Variants in AADACL2 observed in about 807,000 individuals in gnomAD.
The protein encoded by AADACL2 is arylacetamide deacetylase-like 2.
A neutral mutation model predicts 22.3 loss-of-function variants in AADACL2; 23 were observed. That is an observed-to-expected ratio of 1.03 (90% confidence interval 0.74 to 1.46). The LOEUF (loss-of-function observed/expected upper bound fraction) is 1.46. Ranked by LOEUF, AADACL2 falls within the 40% of genes most tolerant of loss-of-function variation. The probability of loss-of-function intolerance (pLI) is 0.00; values close to 1 mark genes in which losing one functional copy is unlikely to be tolerated. For missense variants in AADACL2, 472 were observed against 482.9 expected (o/e 0.98, Z 0.21); for synonymous variants, 177 against 166.2 (o/e 1.07, Z -0.50).
Position 151,740,831 on chromosome 3 carries a change from A to G in AADACL2, c.324A>G (p.Ile108Met). 6.2e-7 allele frequency: 1 copy of G among 1,614,038 alleles called. No homozygotes were observed. The highest frequency in any genetic ancestry group is 1.7e-5 in the Admixed American group (1 of 60,014). Residue 108 changes from isoleucine (I) to methionine (M), a missense_variant, in exon 2 of 5, where the codon ATA becomes ATG. Physicochemically the swap from Ile to Met is conservative, Grantham distance 10. Coordinates refer to ENST00000356517, the MANE Select transcript of AADACL2 (RefSeq NM_207365.4). ...CAGAAACCCGAAGGCGAGCTGTGAT[A>G]TATTTTCATGGTGGTGGTTTTTGTT... is the stretch of plus-strand genomic sequence containing the variant. ...RKSETRRRAV[I>M]YFHGGGFCFG...
chr3:151,734,163 G>C lies in AADACL2; in HGVS notation c.128G>C (p.Cys43Ser), dbSNP rs1036623026. The C allele has an allele frequency of 1.9e-6, 3 of 1,612,902 alleles. No individual in the cohort carries two copies. In the South Asian group the frequency reaches 3.3e-5, roughly 18 times the overall value. The change falls in exon 1 of 5, where the codon TGT (cysteine) becomes TCT (serine). Residue 43 changes from cysteine (C) to serine (S), a missense_variant. Cys to Ser is a moderately radical substitution (Grantham distance 112). Coordinates refer to ENST00000356517, the MANE Select transcript of AADACL2 (RefSeq NM_207365.4). ...GCCTTGGATGCCATCGCTAAAACTT[G>C]TACATTTACGGTAAGGTTAACATTT... Reference protein sequence around the residue: ...IMALDAIAKTCTFTAMCFENM... With the variant: ...IMALDAIAKTSTFTAMCFENM...
intron 2 of AADACL2, among the ~76,000 whole-genome samples, chr3:151,743,010 T>C (rs1713329842): frequency 1.3e-5 from 2 of 152,072 alleles, no homozygotes; most frequent in South Asian, 4.2e-4. Context: ...ATTTTTTTTT[T>C]AATAGAAATT....
At chr3:151,739,468 CA>C (rs2107981384) in intron 1 of AADACL2, among the ~76,000 whole-genome samples, 1 of 152,326 alleles carries the variant, frequency 6.6e-6, no homozygotes, top group South Asian at 2.1e-4. Flanking sequence ...TCAGGAGGCA[CA>C]GGGGTCAGCG....
intron 1 of AADACL2, 51 bp from the exon 2 acceptor site, chr3:151,740,595 G>T: frequency 3.5e-6 from 4 of 1,136,026 alleles, no homozygotes; most frequent in South Asian, 1.8e-5. Context: ...AAATATATTT[G>T]GTGTTATTTA....
intron 2 of AADACL2, among the ~76,000 whole-genome samples, chr3:151,742,613 T>C (rs112128296): frequency 0.018 from 2,669 of 152,260 alleles, 27 homozygotes; most frequent in Non-Finnish European, 0.027. Flanking sequence ...ACCCAAATTA[T>C]GACACTAAGA....
intron 4 of AADACL2, among the ~76,000 whole-genome samples, chr3:151,746,500 T>A (rs540130556): frequency 2.0e-5 from 3 of 152,086 alleles, no homozygotes; most frequent in African/African-American, 7.2e-5. Flanking sequence ...TAGTAAAATA[T>A]TTAATATAAC....
intron 4 of AADACL2, among the ~76,000 whole-genome samples, chr3:151,756,107 G>A (rs565098853): frequency 2.0e-4 from 31 of 152,144 alleles, no homozygotes; most frequent in African/African-American, 7.0e-4. Context: ...GGTACATCCT[G>A]TGGTCCTGAG....
intron 4 of AADACL2, among the ~76,000 whole-genome samples, chr3:151,752,236 T>C (rs1013472258): frequency 6.6e-6 from 1 of 152,216 alleles, no homozygotes; most frequent in African/African-American, 2.4e-5. Flanking sequence ...TAATATGTTA[T>C]AGATTATGGC....
intron 4 of AADACL2, among the ~76,000 whole-genome samples, chr3:151,755,284 C>T (rs1431506745): frequency 6.6e-6 from 1 of 151,958 alleles, no homozygotes; most frequent in African/African-American, 2.4e-5. Context: ...GGTATCATGT[C>T]AGTGTTTGTG....
rs1007907752 is a variant in AADACL2 at position 151,741,003 on chromosome 3, T to C, written c.361+135T>C. 28 of 670,646 alleles carry C rather than the reference T, an allele frequency of 4.2e-5. No individual in the cohort carries two copies. In the East Asian group the frequency reaches 6.7e-4, roughly 16 times the overall value. 41.5% of individuals were successfully genotyped at this position (670,646 alleles called of 1,614,324 possible). Reference sequence around the variant, plus strand: ...TTGTCTGGATATGGATAAGTATAGATATAAATATGAGACATCTAATAAAGA... The same window carrying C: ...TTGTCTGGATATGGATAAGTATAGACATAAATATGAGACATCTAATAAAGA... On this transcript the variant is annotated intron_variant, in intron 2 of 4. Coordinates refer to ENST00000356517, the MANE Select transcript of AADACL2 (RefSeq NM_207365.4).
chr3:151,744,085 C>A lies in AADACL2; in HGVS notation c.362-8C>A. On this transcript the variant is annotated splice_region_variant and splice_polypyrimidine_tract_variant and intron_variant, in intron 2 of 4. Transcript: ENST00000356517. Reference sequence around the variant, plus strand: ...GGAAATACTTTGATGTTTATTTCTTCATTTCAGAACAGAGGGCTTTTGACT... The same window carrying A: ...GGAAATACTTTGATGTTTATTTCTTAATTTCAGAACAGAGGGCTTTTGACT... 1 of 1,612,688 alleles carries A rather than the reference C, an allele frequency of 6.2e-7. No individual in the cohort carries two copies. The highest frequency in any genetic ancestry group is 8.5e-7 in the Non-Finnish European group (1 of 1,179,112).
At chr3:151,739,389 C>A (rs1207580152) in intron 1 of AADACL2, among the ~76,000 whole-genome samples, 1 of 152,172 alleles carries the variant, frequency 6.6e-6, no homozygotes, top group Non-Finnish European at 1.5e-5. Context: ...AGAGGGGCAC[C>A]AGCTTGATGC....
At chr3:151,737,882 C>T (rs553182923) in intron 1 of AADACL2, among the ~76,000 whole-genome samples, 12 of 152,098 alleles carry the variant, frequency 7.9e-5, no homozygotes, top group Non-Finnish European at 1.6e-4. Context: ...GAATACAGCA[C>T]ACTGATGAGT....
intron 4 of AADACL2, among the ~76,000 whole-genome samples, chr3:151,755,318 T>A (rs1385683837): frequency 6.6e-6 from 1 of 152,154 alleles, no homozygotes; most frequent in Non-Finnish European, 1.5e-5. Context: ...AGTAGAAAGA[T>A]TAATCATGTA....
rs151111279 is a variant in AADACL2, at chr3:151,748,425, T to C, written c.603+2745T>C. The stretch of plus-strand genomic sequence containing the variant: ...CCTTTGTCAAAGATCAATTGACCAT[T>C]GCTATAGCTTGGTCTTTCCCAGTCA... On this transcript the variant is annotated intron_variant, in intron 4 of 4. Coordinates refer to ENST00000356517, the MANE Select transcript of AADACL2 (RefSeq NM_207365.4). Among the ~76,000 whole-genome samples the C allele has an allele frequency of 3.4e-3, 514 of 152,318 alleles. 2 individuals carry two copies. Among genetic ancestry groups the C allele is most frequent in the African/African-American group, 0.012 (496 of 41,580 alleles).
rs1490267438 is a variant in AADACL2 at position 151,733,935 on chromosome 3, T to C, written c.-101T>C. 1.8e-5 allele frequency: 23 copies of C among 1,259,120 alleles called. No individual in the cohort carries two copies. Among genetic ancestry groups the C allele is most frequent in the African/African-American group, 3.0e-5 (2 of 65,858 alleles). 78.0% of individuals were successfully genotyped at this position (1,259,120 alleles called of 1,614,324 possible). ...ATGTTGTTAAGATGATCATATCACC[T>C]GAGAGAGTTCCCAAGTCTACAATTG... On this transcript the variant is annotated 5_prime_UTR_variant, in exon 1 of 5. Coordinates refer to ENST00000356517, the MANE Select transcript of AADACL2 (RefSeq NM_207365.4).
chr3:151,746,080 C>T (rs991674750), intron 4 of AADACL2, among the ~76,000 whole-genome samples: 1 of 152,068 alleles, frequency 6.6e-6, no homozygotes, highest in Admixed American at 6.5e-5. Context: ...AATTAATGTA[C>T]ATGGCATGTC....
intron 4 of AADACL2, among the ~76,000 whole-genome samples, chr3:151,748,694 A>T (rs952590171): frequency 2.0e-5 from 3 of 152,218 alleles, no homozygotes; most frequent in Admixed American, 1.3e-4. Flanking sequence ...TTCTTTGCAC[A>T]TGCAGATACC....
intron 2 of AADACL2, among the ~76,000 whole-genome samples, chr3:151,741,958 C>A (rs1023314959): frequency 2.0e-5 from 3 of 152,018 alleles, no homozygotes; most frequent in African/African-American, 7.2e-5. Flanking sequence ...TAGCTAAATT[C>A]TAGATGTCTT....
Sources: allele counts gnomAD v4.1 joint callset (sites outside exome capture counted in the v4.1 genomes callset), GRCh38; gene constraint gnomAD v4.1.1; transcripts MANE v1.5; gene names NCBI Gene and HGNC (gene_info 2026-07-23, HGNC 2026-07-21).